Variants in FBXL20 observed in about 807,000 individuals in gnomAD.
FBXL20 encodes the protein F-box and leucine rich repeat protein 20.
In FBXL20, 11 loss-of-function variants were observed where a neutral mutation model predicts 64.0. That is an observed-to-expected ratio of 0.17 (90% CI 0.11 to 0.28). The LOEUF is 0.28. Among genes scored for constraint, FBXL20 ranks in the 10% least tolerant of loss-of-function variants. FBXL20 has a pLI of 1.00. For missense variants in FBXL20, 303 were observed against 526.2 expected, an observed-to-expected ratio of 0.58 and a Z score of 4.15; for synonymous variants, 184 against 189.0, an observed-to-expected ratio of 0.97 and a Z score of 0.22.
intron 1 of FBXL20, among the ~76,000 whole-genome samples, chr17:39,377,675 G>T (rs543053937): frequency 4.6e-5 from 7 of 151,978 alleles, no homozygotes; most frequent in East Asian, 1.9e-4. Flanking sequence ...TAATTTTTTT[G>T]TATTTTTTAG....
Position 39,293,626 on chromosome 17 carries a change from T to C in FBXL20, c.398+3501A>G, listed in dbSNP as rs113181622. On this transcript the variant is annotated intron_variant, in intron 6 of 14. Coordinates refer to ENST00000264658, the MANE Select transcript of FBXL20 (RefSeq NM_032875.3). ...ATCTTTCTGGAGTCTTTATTGAATG[T>C]CCCAGGTGTTCAATGAATTTTCTCC... Among the ~76,000 whole-genome samples, 1,395 of 152,324 alleles carry C rather than the reference T, an allele frequency of 9.2e-3. 18 individuals are homozygous for C. Among genetic ancestry groups the C allele is most frequent in the African/African-American group, 0.032 (1,318 of 41,578 alleles).
intron 1 of FBXL20, among the ~76,000 whole-genome samples, chr17:39,349,026 C>G (rs1041775976): frequency 1.3e-5 from 2 of 151,836 alleles, no homozygotes; most frequent in African/African-American, 4.8e-5. Flanking sequence ...CTGAGGCGGG[C>G]AGATCACTTG....
At chr17:39,401,738 A>AG, upstream of FBXL20, 1 of 454,690 alleles carries the variant, frequency 2.2e-6, no homozygotes, top group African/African-American at 2.2e-5. Context: ...GAGGGGCGGG[A>AG]GGGGAGGAGC....
intron 2 of FBXL20, among the ~76,000 whole-genome samples, chr17:39,337,821 G>T (rs1283095990): frequency 5.8e-5 from 7 of 121,306 alleles, no homozygotes; most frequent in Non-Finnish European, 1.8e-5. Context: ...GGAGGGAGGT[G>T]GGGGGTCAGC....
At chr17:39,270,927 T>C in intron 10 of FBXL20, 71 bp from the exon 11 acceptor site, 1 of 1,263,390 alleles carries the variant, frequency 7.9e-7, no homozygotes, top group Non-Finnish European at 1.1e-6. Context: ...ATTAAAACAG[T>C]AAGAATTTAC....
chr17:39,313,906 A>G (rs1055647755), intron 2 of FBXL20, among the ~76,000 whole-genome samples: 1 of 152,202 alleles, frequency 6.6e-6, no homozygotes, highest in African/African-American at 2.4e-5. Context: ...AAGTGCTGGG[A>G]TTACAGGCAT....
chr17:39,270,716 T>C, intron 11 of FBXL20, 80 bp downstream of exon 11: 1 of 1,233,006 alleles, frequency 8.1e-7, no homozygotes, highest in Non-Finnish European at 1.1e-6. Flanking sequence ...CACATTTCCC[T>C]TGCTGCTTGT....
chr17:39,299,456 C>T (rs2047115402), intron 4 of FBXL20, among the ~76,000 whole-genome samples: 1 of 152,150 alleles, frequency 6.6e-6, no homozygotes, highest in Admixed American at 6.6e-5. Flanking sequence ...TAGTACTCTG[C>T]TTATAGTAGA....
At position 39,260,701 on chromosome 17, in the gene FBXL20, CAATT is replaced by C. The variant is rs1460665235; in HGVS notation, c.*755_*758del. 3.9e-5 allele frequency: 6 copies of C among 152,636 alleles called. No individual in the cohort carries two copies. Among genetic ancestry groups the C allele is most frequent in the South Asian group, 4.1e-4 (2 of 4,828 alleles). The allele number at this position is 152,636 out of a possible 1,614,324, so 9.5% of individuals were successfully genotyped here. A position where few individuals can be genotyped will look rare whatever the true frequency, so the allele number is the denominator to read the frequency against. On this transcript the variant is annotated 3_prime_UTR_variant, in exon 15 of 15. Transcript: ENST00000264658. ...AAACACGACAACAGCAAAAGGGTAA[CAATT>C]GAGTGAGTAAGCAGACTGAACAGGT...
At chr17:39,372,068 G>A (rs1202788728) in intron 1 of FBXL20, among the ~76,000 whole-genome samples, 1 of 152,060 alleles carries the variant, frequency 6.6e-6, no homozygotes, top group Non-Finnish European at 1.5e-5. Flanking sequence ...ACTTGGGTTT[G>A]ACCCACCTCT....
At chr17:39,394,188 C>T (rs2048160863) in intron 1 of FBXL20, among the ~76,000 whole-genome samples, 2 of 151,904 alleles carry the variant, frequency 1.3e-5, no homozygotes, top group South Asian at 2.1e-4. Flanking sequence ...TCCCTCCCTC[C>T]TTTGGATTTT....
chr17:39,279,037 G>A (rs1436404367), intron 9 of FBXL20, among the ~76,000 whole-genome samples: 3 of 151,638 alleles, frequency 2.0e-5, no homozygotes, highest in South Asian at 2.1e-4. Context: ...TCAGCTACTC[G>A]GGAAGGTGGG....
chr17:39,347,403 C>T (rs890287857), intron 1 of FBXL20, among the ~76,000 whole-genome samples: 1 of 152,144 alleles, frequency 6.6e-6, no homozygotes, highest in Non-Finnish European at 1.5e-5. Context: ...GAGATGGTAT[C>T]TCATTATGGT....
chr17:39,313,960 CTT>C (rs2047261095), intron 2 of FBXL20, among the ~76,000 whole-genome samples: 1 of 152,128 alleles, frequency 6.6e-6, no homozygotes. Context: ...AAAATACACA[CTT>C]TAAAGTGCAT....
intron 10 of FBXL20, among the ~76,000 whole-genome samples, chr17:39,271,986 C>T (rs1327482259): frequency 6.6e-6 from 1 of 152,106 alleles, no homozygotes; most frequent in Non-Finnish European, 1.5e-5. Context: ...CGGTGGCTCA[C>T]ACCTATAATC....
chr17:39,390,889 A>G (rs1257132464), intron 1 of FBXL20, among the ~76,000 whole-genome samples: 1 of 152,126 alleles, frequency 6.6e-6, no homozygotes, highest in Admixed American at 6.6e-5. Context: ...TCTACTAAAA[A>G]TACAAAAATT....
rs6503512 is a variant in FBXL20, at chr17:39,401,294, C to T, written c.42+67G>A. 9.7e-3 allele frequency: 15,609 copies of T among 1,609,862 alleles called. 1,277 individuals are homozygous for T. In the African/African-American group the frequency reaches 0.18, roughly 19 times the overall value. On this transcript the variant is annotated intron_variant, in intron 1 of 14. Coordinates refer to ENST00000264658, the MANE Select transcript of FBXL20 (RefSeq NM_032875.3). ...GCCAGGGAGGAGGCTCCGTGCGGAG[C>T]GGACGTTTTGGGATTAGAGCGCGCG...
At chr17:39,344,960 C>T (rs1028682671) in intron 1 of FBXL20, among the ~76,000 whole-genome samples, 1 of 152,118 alleles carries the variant, frequency 6.6e-6, no homozygotes, top group African/African-American at 2.4e-5. Flanking sequence ...ATACTTTTAA[C>T]GAGAGCCACC....
chr17:39,338,937 T>C (rs2047555256), intron 2 of FBXL20, among the ~76,000 whole-genome samples: 1 of 151,780 alleles, frequency 6.6e-6, no homozygotes, highest in Non-Finnish European at 1.5e-5. Context: ...GAGGCTGAGG[T>C]GGACAGATCA....
Sources: gnomAD v4.1 joint callset for allele counts (sites outside exome capture counted in the v4.1 genomes callset) on GRCh38, gnomAD v4.1.1 for gene constraint, MANE v1.5 for transcripts, NCBI Gene and HGNC (gene_info 2026-07-23, HGNC 2026-07-21) for gene names.